Variants in SPAG16 observed in about 807,000 individuals in gnomAD.
SPAG16 encodes sperm-associated antigen 16 protein.
SPAG16 carries 86 observed loss-of-function variants against 80.4 expected under a neutral mutation model. That is an observed-to-expected ratio of 1.07 (90% CI 0.90 to 1.28). The LOEUF is 1.28. Ranked by LOEUF, SPAG16 falls within the 50% of genes most tolerant of loss-of-function variation. SPAG16 has a pLI of 0.00. For missense variants in SPAG16, 870 were observed against 765.3 expected (o/e 1.14, Z -1.61); for synonymous variants, 294 against 265.9 (o/e 1.11, Z -1.03).
intron 10 of SPAG16, among the ~76,000 whole-genome samples, chr2:213,601,843 C>T (rs1480688279): frequency 6.6e-6 from 1 of 152,192 alleles, no homozygotes; most frequent in Non-Finnish European, 1.5e-5. Context: ...ACCATCAGTC[C>T]TCAACCTTTT....
intron 10 of SPAG16, among the ~76,000 whole-genome samples, chr2:213,698,181 G>A (rs78756660): frequency 0.037 from 5,586 of 151,996 alleles, 341 homozygotes; most frequent in African/African-American, 0.13. Context: ...CTCTCTGACC[G>A]TTCTTCTTTA....
chr2:213,648,108 T>A (rs1412635559), intron 10 of SPAG16, among the ~76,000 whole-genome samples: 1 of 152,240 alleles, frequency 6.6e-6, no homozygotes, highest in Non-Finnish European at 1.5e-5. Context: ...ACCCCCTTTA[T>A]AATCATTTCT....
At position 214,177,900 on chromosome 2, in the gene SPAG16, C is replaced by CATATATAT. The variant is rs373584812; in HGVS notation, c.1720+28642_1720+28649dup. ...GTTAAAAAAGCAGAATATATATATA[C>CATATATAT]ATATATATATATATACATATATATA... On this transcript the variant is annotated intron_variant, in intron 15 of 15. Coordinates refer to ENST00000331683, the MANE Select transcript of SPAG16 (RefSeq NM_024532.5). Among the ~76,000 whole-genome samples the CATATATAT allele has an allele frequency of 1.6e-4, 10 of 63,968 alleles. No individual in the cohort carries two copies. The East Asian group carries it at 2.9e-3, about 19-fold the overall frequency. The allele number at this position is 63,968 out of a possible 152,430, so 42.0% of individuals were successfully genotyped here. A position where few individuals can be genotyped will look rare whatever the true frequency, so the allele number is the denominator to read the frequency against.
At chr2:213,775,098 A>G (rs1278973698) in intron 10 of SPAG16, among the ~76,000 whole-genome samples, 1 of 152,210 alleles carries the variant, frequency 6.6e-6, no homozygotes, top group Non-Finnish European at 1.5e-5. Context: ...GCCGGCATTT[A>G]TGACGACTTG....
intron 5 of SPAG16, among the ~76,000 whole-genome samples, chr2:213,322,664 G>A (rs192140319): frequency 2.8e-4 from 43 of 152,196 alleles, no homozygotes; most frequent in Non-Finnish European, 5.9e-5. Context: ...TTGACTACAT[G>A]TGAATATTGA....
chr2:214,058,673 A>G (rs2050068799), intron 13 of SPAG16, among the ~76,000 whole-genome samples: 1 of 152,174 alleles, frequency 6.6e-6, no homozygotes, highest in African/African-American at 2.4e-5. Context: ...ATATCTGTGA[A>G]GCTCAATAAA....
At chr2:214,082,163 G>A (rs999593042) in intron 13 of SPAG16, among the ~76,000 whole-genome samples, 2 of 152,038 alleles carry the variant, frequency 1.3e-5, no homozygotes, top group African/African-American at 2.4e-5. Flanking sequence ...CGAGGAAAAC[G>A]TTCCACTTGC....
chr2:213,355,924 G>T (rs943813675), intron 7 of SPAG16, among the ~76,000 whole-genome samples: 13 of 152,174 alleles, frequency 8.5e-5, no homozygotes, highest in Non-Finnish European at 1.8e-4. Context: ...GGAGTGGTGA[G>T]AGAGGGCATC....
chr2:213,949,488 G>A (rs1477973872), intron 12 of SPAG16, among the ~76,000 whole-genome samples: 1 of 151,912 alleles, frequency 6.6e-6, no homozygotes, highest in African/African-American at 2.4e-5. Flanking sequence ...TTTTTAATGT[G>A]CGTTTTTTAC....
intron 15 of SPAG16, among the ~76,000 whole-genome samples, chr2:214,220,653 A>G (rs1372303763): frequency 6.6e-6 from 1 of 152,128 alleles, no homozygotes; most frequent in African/African-American, 2.4e-5. Context: ...GGCAAAATTC[A>G]GGGAATCGAA....
At chr2:214,367,067 G>A (rs765804036) in intron 15 of SPAG16, among the ~76,000 whole-genome samples, 1 of 152,108 alleles carries the variant, frequency 6.6e-6, no homozygotes, top group Non-Finnish European at 1.5e-5. Context: ...GGTTCCTGTG[G>A]GGAATTAGTG....
intron 9 of SPAG16, among the ~76,000 whole-genome samples, chr2:213,377,678 C>T (rs114384939): frequency 1.3e-5 from 2 of 151,940 alleles, no homozygotes; most frequent in Non-Finnish European, 2.9e-5. Flanking sequence ...TACTTTTTCC[C>T]TTACTTTTTC....
intron 15 of SPAG16, among the ~76,000 whole-genome samples, chr2:214,382,659 T>C (rs1700516402): frequency 6.6e-6 from 1 of 152,244 alleles, no homozygotes; most frequent in African/African-American, 2.4e-5. Context: ...GACATTAGTC[T>C]ATGCTCACTG....
intron 15 of SPAG16, among the ~76,000 whole-genome samples, chr2:214,150,775 A>C (rs2055935741): frequency 6.6e-6 from 1 of 151,504 alleles, no homozygotes. Context: ...ATATGTTGCC[A>C]CTTGCTCTTT....
chr2:213,783,232 A>AT (rs2070125185), intron 10 of SPAG16, among the ~76,000 whole-genome samples: 1 of 150,938 alleles, frequency 6.6e-6, no homozygotes, highest in African/African-American at 2.4e-5. Context: ...TGAACTCATC[A>AT]TTTTTTATGG....
chr2:213,926,138 T>A (rs952833525), intron 11 of SPAG16, among the ~76,000 whole-genome samples: 1 of 152,202 alleles, frequency 6.6e-6, no homozygotes, highest in African/African-American at 2.4e-5. Flanking sequence ...GAAAATATAC[T>A]TTTTTATTGT....
intron 12 of SPAG16, among the ~76,000 whole-genome samples, chr2:213,981,123 C>T (rs1467737600): frequency 6.6e-6 from 1 of 152,000 alleles, no homozygotes; most frequent in Non-Finnish European, 1.5e-5. Flanking sequence ...GTGTAGATGG[C>T]TGCCTTCTCA....
At chr2:214,131,029 A>G (rs2054738908) in intron 14 of SPAG16, among the ~76,000 whole-genome samples, 1 of 152,150 alleles carries the variant, frequency 6.6e-6, no homozygotes, top group Non-Finnish European at 1.5e-5. Context: ...TCTATATTCA[A>G]TTCCTTCAGG....
At chr2:213,996,785 G>T (rs1321596907) in intron 12 of SPAG16, among the ~76,000 whole-genome samples, 1 of 152,030 alleles carries the variant, frequency 6.6e-6, no homozygotes, top group Admixed American at 6.6e-5. Context: ...GGCCAGGCTG[G>T]TCTCGAACTC....
Sources: allele counts gnomAD v4.1 joint callset (sites outside exome capture counted in the v4.1 genomes callset), GRCh38; gene constraint gnomAD v4.1.1; transcripts MANE v1.5; gene names NCBI Gene and HGNC (gene_info 2026-07-23, HGNC 2026-07-21).